The following RNF43 variants were observed in gnomAD, a reference collection of about 807,000 sequenced individuals.
The protein encoded by RNF43 is E3 ubiquitin-protein ligase RNF43.
RNF43 carries 37 observed loss-of-function variants against 78.4 expected under a neutral mutation model. The observed-to-expected ratio is 0.47, with a 90% CI of 0.36 to 0.62. The LOEUF is 0.62. RNF43 is among the 20% of genes least tolerant of loss of function. The pLI is 0.00. For missense variants in RNF43, 774 were observed against 1,007.9 expected (o/e 0.77, Z 3.14); for synonymous variants, 347 against 395.0 (o/e 0.88, Z 1.44).
At position 58,358,767 on chromosome 17, in the gene RNF43, G is replaced by C. The variant is rs1170091784; in HGVS notation, c.1009C>G (p.Arg337Gly). The C allele has an allele frequency of 6.4e-7, 1 of 1,559,538 alleles. No individual in the cohort carries two copies. The highest frequency in any genetic ancestry group is 1.9e-5 in the Admixed American group (1 of 53,360). The change falls in exon 9 of 10, where the codon CGA (arginine) becomes GGA (glycine). Residue 337 changes from arginine to glycine, a missense_variant. By Grantham distance (125) the Arg-to-Gly change is moderately radical. Coordinates refer to ENST00000407977, the MANE Select transcript of RNF43 (RefSeq NM_017763.6). The surrounding 1 kb of genome is among the most constrained non-coding windows in gnomAD (Gnocchi z 6.2). ...GPSRSYQEPG[R>G]RLHLIRQHPG... ...TGCTGGCGAATGAGGTGGAGTCTTC[G>C]ACCTGGTTCTTGGTAAGATCGAGAG... is the stretch of plus-strand genomic sequence containing the variant.
At chr17:58,375,349 T>C (rs771474667) in intron 2 of RNF43, among the ~76,000 whole-genome samples, 3 of 152,198 alleles carry the variant, frequency 2.0e-5, no homozygotes, top group African/African-American at 4.8e-5. Context: ...AACATTCCCA[T>C]CCTATATCTC....
intron 2 of RNF43, among the ~76,000 whole-genome samples, chr17:58,396,276 T>C (rs189271148): frequency 5.3e-5 from 8 of 151,812 alleles, no homozygotes; most frequent in Admixed American, 1.3e-4. Flanking sequence ...AAAATGAAAA[T>C]AAGAGACAAA....
rs553689436 is a variant in RNF43 at position 58,398,570 on chromosome 17, T to C, written c.252+16756A>G. ...GATATTAAATTAACCTTGCCACCAA[T>C]ATTGCCAAACTGGAACAACAGGGTA... On this transcript the variant is annotated intron_variant, in intron 2 of 9. Transcript: ENST00000407977. Among the ~76,000 whole-genome samples the C allele has an allele frequency of 5.3e-3, 812 of 152,344 alleles. 8 individuals are homozygous for C. Among genetic ancestry groups the C allele is most frequent in the African/African-American group, 0.018 (755 of 41,570 alleles).
chr17:58,389,037 C>A (rs1339206554), intron 2 of RNF43, among the ~76,000 whole-genome samples: 1 of 152,172 alleles, frequency 6.6e-6, no homozygotes, highest in African/African-American at 2.4e-5. Flanking sequence ...ATCCTAAATT[C>A]TTCAGGGGAT....
intron 2 of RNF43, 92 bp downstream of exon 2, chr17:58,415,234 G>A: frequency 7.4e-7 from 1 of 1,359,368 alleles, no homozygotes; most frequent in Non-Finnish European, 1.0e-6. Flanking sequence ...CTAAGCAGTA[G>A]AAGCCCGTGT....
At chr17:58,373,256 G>A (rs1231498422) in intron 2 of RNF43, among the ~76,000 whole-genome samples, 1 of 152,158 alleles carries the variant, frequency 6.6e-6, no homozygotes, top group African/African-American at 2.4e-5. Flanking sequence ...TTCCTACAGT[G>A]TGTCTGCAGA....
At position 58,354,834 on chromosome 17, in the gene RNF43, A is replaced by T. The variant is rs979608044; in HGVS notation, c.*109T>A. 6.9e-6 allele frequency: 7 copies of T among 1,008,694 alleles called. No individual in the cohort carries two copies. The Admixed American group carries it at 1.3e-4, about 18-fold the overall frequency. 62.5% of individuals were successfully genotyped at this position (1,008,694 alleles called of 1,614,324 possible). A position where few individuals can be genotyped will look rare whatever the true frequency, so the allele number is the denominator to read the frequency against. On this transcript the variant is annotated 3_prime_UTR_variant, in exon 10 of 10. Transcript: ENST00000407977. ...AGTGCTTCTAGGAAGTACGGCAAAAAGAATGGTGTTTGCTGTGGTCCTTTC... is the reference window on the plus strand; with the variant it reads ...AGTGCTTCTAGGAAGTACGGCAAAATGAATGGTGTTTGCTGTGGTCCTTTC...
Position 58,358,420 on chromosome 17 carries a change from T to C in RNF43, c.1356A>G (p.Thr452=), listed in dbSNP as rs1394085898. 6.2e-7 allele frequency: 1 copy of C among 1,613,986 alleles called. No individual in the cohort carries two copies. Among genetic ancestry groups the C allele is most frequent in the Non-Finnish European group, 8.5e-7 (1 of 1,180,010 alleles). The stretch of plus-strand genomic sequence containing the variant: ...CATCTGCCAGGTACCCACTGCGTTC[T>C]GTGCAATAGCTTTCTCCAGATCCAC... ...DSSGSGESYC[T]ERSGYLADGP... Residue 452 remains threonine, a synonymous_variant, in exon 9 of 10, where the codon ACA becomes ACG. Coordinates refer to ENST00000407977, the MANE Select transcript of RNF43 (RefSeq NM_017763.6). This position sits in a 1 kb window ranked among gnomAD's most constrained non-coding sequence, Gnocchi z 6.2.
intron 2 of RNF43, among the ~76,000 whole-genome samples, chr17:58,408,104 A>T (rs1235565889): frequency 6.6e-6 from 1 of 152,218 alleles, no homozygotes; most frequent in African/African-American, 2.4e-5. Flanking sequence ...GTCTGACTTT[A>T]AGTAATACAT....
intron 2 of RNF43, among the ~76,000 whole-genome samples, chr17:58,373,706 A>G (rs1312689045): frequency 2.6e-5 from 4 of 152,234 alleles, no homozygotes; most frequent in Non-Finnish European, 1.5e-5. Context: ...TAAATGTACA[A>G]TAAAATTATT....
chr17:58,415,296 G>A (rs2143693668), intron 2 of RNF43, 30 bp downstream of exon 2: 1 of 1,610,900 alleles, frequency 6.2e-7, no homozygotes, highest in South Asian at 1.1e-5. Context: ...CAAACAGATG[G>A]AAAGTGAAAT....
intron 2 of RNF43, among the ~76,000 whole-genome samples, chr17:58,375,066 CTTATT>C (rs1448315143): frequency 3.9e-5 from 6 of 152,132 alleles, no homozygotes; most frequent in Non-Finnish European, 8.8e-5. Context: ...AAATATTTGT[CTTATT>C]TTATTCTTTC....
Position 58,415,778 on chromosome 17 carries a change from G to T in RNF43, c.-201C>A. The T allele has an allele frequency of 1.6e-6, 1 of 613,848 alleles. No homozygotes were observed. The highest frequency in any genetic ancestry group is 2.0e-5 in the South Asian group (1 of 49,334). The allele number at this position is 613,848 out of a possible 1,614,324, so 38.0% of individuals were successfully genotyped here. ...AGCATTCCTGATTGGGCAGAGAAGA[G>T]GATATTTTCAGCCCACATCTGCTGC... On this transcript the variant is annotated 5_prime_UTR_variant, in exon 2 of 10. Transcript: ENST00000407977.
chr17:58,358,328 G>A lies in RNF43; in HGVS notation c.1448C>T (p.Thr483Met), dbSNP rs779655071. 12 of 1,614,036 alleles carry A rather than the reference G, an allele frequency of 7.4e-6. No homozygotes were observed. Among genetic ancestry groups the A allele is most frequent in the East Asian group, 2.2e-5 (1 of 44,898 alleles). The change falls in exon 9 of 10, where the codon ACG becomes ATG. Residue 483 changes from threonine to methionine, a missense_variant. Thr to Met is a moderately conservative substitution (Grantham distance 81, BLOSUM62 -1). Transcript: ENST00000407977. The surrounding 1 kb of genome is among the most constrained non-coding windows in gnomAD (Gnocchi z 6.2). ...GSSSDSVVNC[T>M]DISLQGVHGS... ...ATGGACCCCCTGTAGGCTGATGTCC[G>A]TGCAGTTGACCACAGAGTCACTGGA...
chr17:58,380,215 A>G (rs1426337297), intron 2 of RNF43, among the ~76,000 whole-genome samples: 6 of 152,206 alleles, frequency 3.9e-5, no homozygotes. Flanking sequence ...ACTGACCTCC[A>G]TCTTATAAGG....
chr17:58,356,388 T>C lies in RNF43; in HGVS notation c.2308+1080A>G, dbSNP rs146724164. On this transcript the variant is annotated intron_variant, in intron 9 of 9. Coordinates refer to ENST00000407977, the MANE Select transcript of RNF43 (RefSeq NM_017763.6). ...AGTGATGGCTGTAGACAAAGAACTG[T>C]GTCATCCATACAATGGGGGAAGATG... 2.7e-3 allele frequency among the ~76,000 whole-genome samples: 405 copies of C among 152,270 alleles called. 2 individuals are homozygous for C. Among genetic ancestry groups the C allele is most frequent in the African/African-American group, 9.4e-3 (389 of 41,536 alleles).
intron 4 of RNF43, 25 bp downstream of exon 4, chr17:58,363,501 T>C (rs1972885323): frequency 6.2e-7 from 1 of 1,611,000 alleles, no homozygotes; most frequent in African/African-American, 1.3e-5. Flanking sequence ...GCCCCCACCT[T>C]GAACACGCAA....
intron 2 of RNF43, among the ~76,000 whole-genome samples, chr17:58,403,312 C>T (rs1024642151): frequency 1.3e-5 from 2 of 152,182 alleles, no homozygotes; most frequent in Non-Finnish European, 2.9e-5. Context: ...CTCACATAAT[C>T]CCCCAGTCTC....
At chr17:58,390,964 A>C (rs560452374) in intron 2 of RNF43, among the ~76,000 whole-genome samples, 9 of 152,340 alleles carry the variant, frequency 5.9e-5, no homozygotes, top group African/African-American at 1.9e-4. Flanking sequence ...ACTTATTATA[A>C]ATTCTCAAGG....
Sources: gnomAD v4.1 joint callset for allele counts (sites outside exome capture counted in the v4.1 genomes callset) on GRCh38, gnomAD v4.1.1 for gene constraint, Gnocchi (gnomAD v3.1) non-coding constraint, MANE v1.5 for transcripts, NCBI Gene and HGNC (gene_info 2026-07-23, HGNC 2026-07-21) for gene names.